The following SSBP3 variants were observed in gnomAD, a reference collection of about 807,000 sequenced individuals.
The protein encoded by SSBP3 is single-stranded DNA-binding protein 3.
In SSBP3, 5 loss-of-function variants were observed where a neutral mutation model predicts 69.6. The observed-to-expected ratio is 0.07, with a 90% CI of 0.04 to 0.15. The LOEUF is 0.15. Ranked by LOEUF, SSBP3 falls within the 10% of genes least tolerant of loss-of-function variation. The pLI is 1.00. For synonymous variants in SSBP3, 196 were observed against 193.4 expected (o/e 1.01, Z -0.11); for missense variants, 312 against 534.0 (o/e 0.58, Z 4.10).
intron 4 of SSBP3, among the ~76,000 whole-genome samples, chr1:54,348,248 G>C (rs1432670752): frequency 1.1e-4 from 1 of 9,184 alleles, no homozygotes; most frequent in Non-Finnish European, 2.4e-4. Flanking sequence ...CATGGGGGGC[G>C]GGGGGGGGGG....
chr1:54,402,000 A>G, intron 3 of SSBP3, 55 bp from the exon 4 acceptor site: 3 of 1,500,798 alleles, frequency 2.0e-6, no homozygotes, highest in Non-Finnish European at 2.8e-6. Flanking sequence ...TTGTGTACAC[A>G]AGGGCAAGTG....
chr1:54,384,797 G>A (rs923757255), intron 4 of SSBP3, among the ~76,000 whole-genome samples: 8 of 152,212 alleles, frequency 5.3e-5, no homozygotes, highest in Non-Finnish European at 8.8e-5. Context: ...GAAATATTCC[G>A]TTAAGTCCCT....
chr1:54,287,817 G>T (rs1320934784), intron 4 of SSBP3, among the ~76,000 whole-genome samples: 1 of 152,174 alleles, frequency 6.6e-6, no homozygotes, highest in East Asian at 1.9e-4. Flanking sequence ...AGGATTCCTG[G>T]TTTCATATGC....
At chr1:54,313,775 T>A (rs942348646) in intron 4 of SSBP3, among the ~76,000 whole-genome samples, 2 of 152,036 alleles carry the variant, frequency 1.3e-5, no homozygotes, top group African/African-American at 4.8e-5. Flanking sequence ...TTTTACTTTT[T>A]TTTTTTTTGA....
intron 4 of SSBP3, among the ~76,000 whole-genome samples, chr1:54,318,969 C>G (rs1392291968): frequency 1.3e-5 from 2 of 152,158 alleles, no homozygotes; most frequent in African/African-American, 4.8e-5. Context: ...AATTCCCATT[C>G]TATGGATGAG....
intron 5 of SSBP3, among the ~76,000 whole-genome samples, chr1:54,270,694 C>T (rs575390841): frequency 1.2e-3 from 176 of 152,250 alleles, no homozygotes; most frequent in Non-Finnish European, 2.0e-3. Flanking sequence ...CAGTACAGTC[C>T]CAGACACGCC....
chr1:54,308,952 C>T (rs986558077), intron 4 of SSBP3, among the ~76,000 whole-genome samples: 1 of 152,034 alleles, frequency 6.6e-6, no homozygotes, highest in Non-Finnish European at 1.5e-5. Context: ...GCAGAAAAAT[C>T]TCACTGATTT....
intron 4 of SSBP3, among the ~76,000 whole-genome samples, chr1:54,318,994 G>A (rs1390627533): frequency 6.6e-6 from 1 of 152,102 alleles, no homozygotes; most frequent in Non-Finnish European, 1.5e-5. Context: ...TTGAGGCTTG[G>A]AAACACTGCA....
intron 9 of SSBP3, among the ~76,000 whole-genome samples, chr1:54,246,260 T>C (rs1344383685): frequency 6.6e-6 from 1 of 152,184 alleles, no homozygotes; most frequent in African/African-American, 2.4e-5. Context: ...TTGCAGAAGC[T>C]TGGGTCTCAA....
intron 9 of SSBP3, among the ~76,000 whole-genome samples, chr1:54,244,737 A>G (rs1047323116): frequency 4.6e-5 from 7 of 152,104 alleles, no homozygotes; most frequent in African/African-American, 1.4e-4. Flanking sequence ...CTGCAGTCAT[A>G]CATGCCTTGC....
At chr1:54,241,723 C>T (rs1051545843) in intron 11 of SSBP3, among the ~76,000 whole-genome samples, 14 of 152,232 alleles carry the variant, frequency 9.2e-5, no homozygotes, top group African/African-American at 3.4e-4. Context: ...TCTCTTACTC[C>T]CCAGTCCTGG....
At chr1:54,318,446 T>G (rs1401004835) in intron 4 of SSBP3, among the ~76,000 whole-genome samples, 2 of 152,182 alleles carry the variant, frequency 1.3e-5, no homozygotes, top group East Asian at 3.9e-4. Context: ...AGTTTTTTTT[T>G]TCTTCTTAAA....
At chr1:54,268,592 G>A (rs143083713) in intron 5 of SSBP3, among the ~76,000 whole-genome samples, 59 of 152,368 alleles carry the variant, frequency 3.9e-4, no homozygotes, top group African/African-American at 1.4e-3. Flanking sequence ...CCACTGAGCA[G>A]AAGAGGGCTA....
chr1:54,245,619 G>A (rs1644721284), intron 9 of SSBP3, among the ~76,000 whole-genome samples: 1 of 152,174 alleles, frequency 6.6e-6, no homozygotes, highest in African/African-American at 2.4e-5. Flanking sequence ...GATCTCAGGA[G>A]CAACACCAGG....
intron 4 of SSBP3, among the ~76,000 whole-genome samples, chr1:54,369,227 G>GGGA (rs1553146739): frequency 6.8e-6 from 1 of 147,000 alleles, no homozygotes; most frequent in African/African-American, 2.5e-5. Context: ...TCGGGGGGGG[G>GGGA]GCCCAAGCCA....
At position 54,304,932 on chromosome 1, in the gene SSBP3, C is replaced by G. The variant is rs377302293; in HGVS notation, c.277-23405G>C. ...GCCTGGAAGACCACCACCACCACCC[C>G]CACCGACACCATGAGGAAGCGAGGA... is the stretch of plus-strand genomic sequence containing the variant. On this transcript the variant is annotated intron_variant, in intron 4 of 17. Coordinates refer to ENST00000610401, the Ensembl canonical transcript of SSBP3. 2.0e-5 allele frequency among the ~76,000 whole-genome samples: 3 copies of G among 152,274 alleles called. No homozygotes were observed. The East Asian group carries it at 5.8e-4, about 29-fold the overall frequency.
chr1:54,257,130 G>A (rs753478248), exon 7 of SSBP3: 3 of 1,603,686 alleles, frequency 1.9e-6, no homozygotes, highest in East Asian at 4.5e-5. Context: ...ACAGTACCTG[G>A]TTTCCCATTC....
intron 4 of SSBP3, among the ~76,000 whole-genome samples, chr1:54,287,814 C>T (rs1645519296): frequency 1.3e-5 from 2 of 152,154 alleles, no homozygotes; most frequent in Admixed American, 6.5e-5. Context: ...AAGAGGATTC[C>T]TGGTTTCATA....
chr1:54,246,221 A>C (rs1392765216), intron 9 of SSBP3, among the ~76,000 whole-genome samples: 1 of 152,158 alleles, frequency 6.6e-6, no homozygotes, highest in Non-Finnish European at 1.5e-5. Context: ...AGCAGAACAA[A>C]CACCAAAGCC....
Sources: gnomAD v4.1 joint callset for allele counts (sites outside exome capture counted in the v4.1 genomes callset) on GRCh38, gnomAD v4.1.1 for gene constraint, MANE v1.5 for transcripts, NCBI Gene and HGNC (gene_info 2026-07-23, HGNC 2026-07-21) for gene names.